MDGA2: variants seen among roughly 807,000 people sequenced by gnomAD.
MDGA2 encodes the protein MAM domain-containing glycosylphosphatidylinositol anchor protein 2.
MDGA2 carries 40 observed loss-of-function variants against 117.8 expected under a neutral mutation model. The observed-to-expected ratio is 0.34, with a 90% CI of 0.26 to 0.44. MDGA2 has a LOEUF of 0.44. Ranked by LOEUF, MDGA2 falls within the 20% of genes least tolerant of loss-of-function variation. The probability of loss-of-function intolerance (pLI) is 1.00; values close to 1 mark genes in which losing one functional copy is unlikely to be tolerated. For missense variants in MDGA2, 1,123 were observed against 1,250.6 expected (o/e 0.90, Z 1.54); for synonymous variants, 452 against 439.0 (o/e 1.03, Z -0.37).
At chr14:47,393,722 T>C (rs925147269) in intron 1 of MDGA2, among the ~76,000 whole-genome samples, 1 of 152,172 alleles carries the variant, frequency 6.6e-6, no homozygotes, top group Admixed American at 6.6e-5. Flanking sequence ...ATATTGATAA[T>C]CAGTTAACAT....
intron 1 of MDGA2, among the ~76,000 whole-genome samples, chr14:47,662,453 G>A (rs1897868642): frequency 6.6e-6 from 1 of 151,896 alleles, no homozygotes; most frequent in Non-Finnish European, 1.5e-5. Flanking sequence ...AGGGAAGGTG[G>A]TTAAACATAA....
chr14:47,208,530 C>CT (rs35699705), intron 3 of MDGA2, among the ~76,000 whole-genome samples: 44,365 of 142,164 alleles, frequency 0.31, 7,570 homozygotes, highest in Admixed American at 0.46. Context: ...TCTCTAAACT[C>CT]TTTTTTTTTT....
intron 1 of MDGA2, among the ~76,000 whole-genome samples, chr14:47,313,336 T>C (rs1432449942): frequency 6.6e-6 from 1 of 152,090 alleles, no homozygotes; most frequent in African/African-American, 2.4e-5. Context: ...GGAGTGACAC[T>C]ACCTTGGCTC....
At chr14:47,141,612 T>C (rs1323225194) in intron 4 of MDGA2, among the ~76,000 whole-genome samples, 1 of 152,084 alleles carries the variant, frequency 6.6e-6, no homozygotes, top group Non-Finnish European at 1.5e-5. Context: ...AGTAAAATAA[T>C]TAAGGTACAG....
chr14:47,446,581 T>C (rs559454926), intron 1 of MDGA2, among the ~76,000 whole-genome samples: 1 of 152,124 alleles, frequency 6.6e-6, no homozygotes, highest in East Asian at 1.9e-4. Context: ...GTTGTCGGTG[T>C]ATAAGGGTAA....
In MDGA2 at chr14:46,882,143, A is replaced by G; in HGVS notation, c.2317T>C (p.Leu773=). 6.2e-7 allele frequency: 1 copy of G among 1,612,602 alleles called. No homozygotes were observed. Among genetic ancestry groups the G allele is most frequent in the Non-Finnish European group, 8.5e-7 (1 of 1,179,052 alleles). ...IQKGELITYN[L]TELIKPEAYE... ...GCTTCTGGTTTAATTAGCTCTGTCA[A>G]GTTATATGTAATTAATTCTCCCTTT... is the stretch of plus-strand genomic sequence containing the variant. Residue 773 remains leucine (L), a synonymous_variant, in exon 11 of 17, where the codon TTG becomes CTG. Coordinates refer to ENST00000399232, the MANE Select transcript of MDGA2 (RefSeq NM_001113498.3).
chr14:46,878,565 CT>C (rs1566504352), intron 11 of MDGA2, among the ~76,000 whole-genome samples: 2 of 151,866 alleles, frequency 1.3e-5, no homozygotes, highest in African/African-American at 4.8e-5. Flanking sequence ...AACAGAGTAA[CT>C]TTTTCAATGA....
At chr14:46,936,457 T>C (rs1235723339) in intron 9 of MDGA2, among the ~76,000 whole-genome samples, 1 of 152,072 alleles carries the variant, frequency 6.6e-6, no homozygotes, top group South Asian at 2.1e-4. Flanking sequence ...TTGAATTGTA[T>C]AAGTAAAATA....
intron 1 of MDGA2, among the ~76,000 whole-genome samples, chr14:47,658,660 C>T (rs1897789164): frequency 6.6e-6 from 1 of 152,122 alleles, no homozygotes; most frequent in African/African-American, 2.4e-5. Flanking sequence ...ACTCCTTCTG[C>T]ATGAAGAAGA....
In MDGA2 at chr14:47,194,756, C is replaced by G. The variant is rs140458580; in HGVS notation, c.595+23265G>C. ...GTTAGGTGAATCTCACTCTCTCTCT[C>G]TCACTCTCTCTTTCTCTCTCACTCT... On this transcript the variant is annotated intron_variant, in intron 3 of 16. Transcript: ENST00000399232. Among the ~76,000 whole-genome samples the G allele has an allele frequency of 1.6e-3, 237 of 152,000 alleles. 1 individual carries two copies. The highest frequency in any genetic ancestry group is 5.6e-3 in the African/African-American group (231 of 41,512).
intron 1 of MDGA2, among the ~76,000 whole-genome samples, chr14:47,431,746 A>G (rs892950185): frequency 1.3e-5 from 2 of 152,072 alleles, no homozygotes; most frequent in Non-Finnish European, 2.9e-5. Context: ...AAATAGATGA[A>G]GACAGTCTAA....
At chr14:47,202,996 T>C (rs1263848213) in intron 3 of MDGA2, among the ~76,000 whole-genome samples, 1 of 152,042 alleles carries the variant, frequency 6.6e-6, no homozygotes, top group Non-Finnish European at 1.5e-5. Context: ...GAGTTTCCAA[T>C]TCTCATGTTC....
At chr14:47,048,121 A>T (rs1408547721) in intron 7 of MDGA2, among the ~76,000 whole-genome samples, 6 of 152,014 alleles carry the variant, frequency 3.9e-5, no homozygotes, top group Admixed American at 2.6e-4. Context: ...AGTTTTGGAC[A>T]TCCCTATATA....
intron 6 of MDGA2, among the ~76,000 whole-genome samples, chr14:47,069,199 C>A (rs1258782100): frequency 2.0e-5 from 3 of 152,162 alleles, no homozygotes; most frequent in Non-Finnish European, 4.4e-5. Flanking sequence ...GCTACTCTGG[C>A]AGTGAGGGCT....
In MDGA2 at chr14:47,467,439, TG is replaced by T. The variant is rs1306031048; in HGVS notation, c.281-165890del. 3.3e-5 allele frequency among the ~76,000 whole-genome samples: 5 copies of T among 152,236 alleles called. No homozygotes were observed. In the East Asian group the frequency reaches 9.6e-4, roughly 29 times the overall value. On this transcript the variant is annotated intron_variant, in intron 1 of 16. Transcript: ENST00000399232. ...CAATAAAAGTTCTTGATAAGGCCTC[TG>T]GGGAAGGAGACTGTCACCTTTCACC...
chr14:47,068,236 G>A (rs1217399468), intron 6 of MDGA2, among the ~76,000 whole-genome samples: 1 of 152,048 alleles, frequency 6.6e-6, no homozygotes, highest in Non-Finnish European at 1.5e-5. Context: ...ACATCAGCAG[G>A]TAAGCATTTT....
At chr14:46,920,641 A>G (rs1049721728) in intron 9 of MDGA2, among the ~76,000 whole-genome samples, 1 of 152,194 alleles carries the variant, frequency 6.6e-6, no homozygotes, top group African/African-American at 2.4e-5. Flanking sequence ...TAGATAGAGA[A>G]GGTGAAAGTC....
At chr14:46,991,418 T>A (rs1887090074) in intron 8 of MDGA2, among the ~76,000 whole-genome samples, 1 of 152,142 alleles carries the variant, frequency 6.6e-6, no homozygotes, top group Non-Finnish European at 1.5e-5. Context: ...TAAAGAGCAA[T>A]ACCAGCTGTC....
At chr14:47,074,640 AG>A (rs1254214424) in intron 6 of MDGA2, among the ~76,000 whole-genome samples, 6 of 152,176 alleles carry the variant, frequency 3.9e-5, no homozygotes, top group Non-Finnish European at 8.8e-5. Flanking sequence ...TGTTCTGAGG[AG>A]CAGCAGCTCA....
Sources: allele counts gnomAD v4.1 joint callset (sites outside exome capture counted in the v4.1 genomes callset), GRCh38; gene constraint gnomAD v4.1.1; transcripts MANE v1.5; gene names NCBI Gene and HGNC (gene_info 2026-07-23, HGNC 2026-07-21).